The following MAP4K3 variants were observed in gnomAD, a reference collection of about 807,000 sequenced individuals.
MAP4K3 encodes mitogen-activated protein kinase kinase kinase kinase 3.
MAP4K3 carries 94 observed loss-of-function variants against 143.5 expected under a neutral mutation model. The observed-to-expected ratio is 0.65, with a 90% CI of 0.55 to 0.78. The LOEUF (loss-of-function observed/expected upper bound fraction) is 0.78, where lower values mean the gene tolerates loss of function less well. MAP4K3 is among the 30% of genes least tolerant of loss of function. MAP4K3 has a pLI of 0.00. For synonymous variants in MAP4K3, 416 were observed against 347.2 expected (o/e 1.20, Z -2.20); for missense variants, 1,077 against 1,068.1 (o/e 1.01, Z -0.12).
intron 3 of MAP4K3, among the ~76,000 whole-genome samples, chr2:39,355,516 A>G (rs539386076): frequency 6.6e-6 from 1 of 152,194 alleles, no homozygotes; most frequent in South Asian, 2.1e-4. Context: ...CGGGTGACAG[A>G]GTGAGACTCT....
chr2:39,302,070 G>A (rs988942723), intron 15 of MAP4K3, among the ~76,000 whole-genome samples: 1 of 151,684 alleles, frequency 6.6e-6, no homozygotes, highest in African/African-American at 2.4e-5. Context: ...AAAATAAACT[G>A]AGTTCAGCAG....
chr2:39,347,782 G>T (rs146564014), intron 3 of MAP4K3, among the ~76,000 whole-genome samples: 2 of 151,766 alleles, frequency 1.3e-5, no homozygotes, highest in African/African-American at 2.4e-5. Flanking sequence ...GATTGATCAG[G>T]CATATATTCT....
intron 29 of MAP4K3, 56 bp downstream of exon 29, chr2:39,260,550 C>G: frequency 6.9e-7 from 1 of 1,444,376 alleles, no homozygotes; most frequent in South Asian, 1.2e-5. Context: ...AGTAAACTTA[C>G]TACTTATAAA....
At chr2:39,339,115 C>A (rs898040310) in intron 4 of MAP4K3, among the ~76,000 whole-genome samples, 1 of 152,148 alleles carries the variant, frequency 6.6e-6, no homozygotes, top group South Asian at 2.1e-4. Context: ...AGTAAACTCA[C>A]ATTTACACAA....
chr2:39,298,221 T>C (rs938489234), intron 16 of MAP4K3, among the ~76,000 whole-genome samples: 2 of 152,100 alleles, frequency 1.3e-5, no homozygotes, highest in African/African-American at 4.8e-5. Flanking sequence ...AAACTTTCCT[T>C]TGTTTTTCAC....
intron 15 of MAP4K3, among the ~76,000 whole-genome samples, chr2:39,300,308 C>CT (rs1682457071): frequency 6.6e-6 from 1 of 152,154 alleles, no homozygotes; most frequent in Non-Finnish European, 1.5e-5. Flanking sequence ...CGTATATGAA[C>CT]TTGTACAATA....
intron 6 of MAP4K3, among the ~76,000 whole-genome samples, chr2:39,333,946 TA>T (rs1683769848): frequency 1.3e-5 from 2 of 149,718 alleles, no homozygotes; most frequent in Non-Finnish European, 3.0e-5. Context: ...TAAACTTGAT[TA>T]TTGTTTCCCA....
intron 4 of MAP4K3, among the ~76,000 whole-genome samples, chr2:39,341,650 C>T (rs1011705339): frequency 6.7e-6 from 1 of 149,308 alleles, no homozygotes; most frequent in Non-Finnish European, 1.5e-5. Context: ...AGCAAGACTC[C>T]GTTTAAAAAA....
chr2:39,273,296 GTAAA>G (rs1238266598), intron 24 of MAP4K3, among the ~76,000 whole-genome samples: 9 of 152,182 alleles, frequency 5.9e-5, no homozygotes, highest in Non-Finnish European at 1.2e-4. Context: ...TGGTAGAAAT[GTAAA>G]TTCTTGGACC....
chr2:39,259,968 G>A (rs1459472805), intron 29 of MAP4K3, among the ~76,000 whole-genome samples: 1 of 152,086 alleles, frequency 6.6e-6, no homozygotes, highest in Non-Finnish European at 1.5e-5. Context: ...TAAGAGGTGT[G>A]TTCATGCACA....
chr2:39,329,637 C>G (rs1683617906), intron 8 of MAP4K3, among the ~76,000 whole-genome samples: 1 of 152,154 alleles, frequency 6.6e-6, no homozygotes, highest in Non-Finnish European at 1.5e-5. Flanking sequence ...GCCCCAGCAA[C>G]TATTGCCCCC....
chr2:39,302,547 G>A (rs1682551784), intron 15 of MAP4K3, among the ~76,000 whole-genome samples: 1 of 152,172 alleles, frequency 6.6e-6, no homozygotes, highest in Non-Finnish European at 1.5e-5. Context: ...AAGAAAGACT[G>A]ATATAAAATG....
At chr2:39,288,514 G>C (rs1681892739) in intron 19 of MAP4K3, among the ~76,000 whole-genome samples, 1 of 152,082 alleles carries the variant, frequency 6.6e-6, no homozygotes, top group Non-Finnish European at 1.5e-5. Context: ...GCAAATAAAA[G>C]GGCCTCTAAG....
chr2:39,251,529 C>G (rs1040515753), intron 33 of MAP4K3, among the ~76,000 whole-genome samples: 2 of 152,156 alleles, frequency 1.3e-5, no homozygotes, highest in Non-Finnish European at 2.9e-5. Context: ...AAAATCCTAT[C>G]GGCATTAACA....
chr2:39,316,290 A>G (rs547087208), intron 12 of MAP4K3, among the ~76,000 whole-genome samples: 3 of 152,140 alleles, frequency 2.0e-5, no homozygotes, highest in Admixed American at 6.5e-5. Context: ...GGGCTCCAAC[A>G]TAAGAAAAAG....
At chr2:39,308,875 GACTCT>G (rs375792825) in intron 14 of MAP4K3, among the ~76,000 whole-genome samples, 17 of 151,936 alleles carry the variant, frequency 1.1e-4, no homozygotes, top group African/African-American at 3.6e-4. Context: ...ATACAGATAT[GACTCT>G]ACTCTAATGT....
intron 2 of MAP4K3, among the ~76,000 whole-genome samples, chr2:39,376,332 AT>A (rs887247460): frequency 7.9e-5 from 12 of 152,268 alleles, no homozygotes; most frequent in African/African-American, 2.9e-4. Context: ...ATTTATGGTG[AT>A]TAACCTTTGT....
At chr2:39,333,871 T>C (rs1372688027) in intron 6 of MAP4K3, among the ~76,000 whole-genome samples, 2 of 152,076 alleles carry the variant, frequency 1.3e-5, no homozygotes, top group Non-Finnish European at 2.9e-5. Flanking sequence ...TCCTCATTGA[T>C]CAAACACTAT....
chr2:39,360,819 G>T (rs566541788), intron 2 of MAP4K3, among the ~76,000 whole-genome samples: 2 of 152,146 alleles, frequency 1.3e-5, no homozygotes, highest in South Asian at 2.1e-4. Flanking sequence ...ACAGCAGCAG[G>T]GGGTAACTGC....
Sources: gnomAD v4.1 joint callset for allele counts (sites outside exome capture counted in the v4.1 genomes callset) on GRCh38, gnomAD v4.1.1 for gene constraint, MANE v1.5 for transcripts, NCBI Gene and HGNC (gene_info 2026-07-23, HGNC 2026-07-21) for gene names.